PCMTD1: variants seen among roughly 807,000 people sequenced by gnomAD.
The protein encoded by PCMTD1 is protein-L-isoaspartate (D-aspartate) O-methyltransferase domain containing 1, also known as protein-L-isoaspartate O-methyltransferase domain-containing protein 1.
A neutral mutation model predicts 37.6 loss-of-function variants in PCMTD1; 12 were observed. That is an observed-to-expected ratio of 0.32 (90% CI 0.20 to 0.52). The LOEUF is 0.52. Among genes scored for constraint, PCMTD1 ranks in the 20% least tolerant of loss-of-function variants. The pLI, the probability that PCMTD1 is intolerant of heterozygous loss-of-function variation, is 0.97. For synonymous variants in PCMTD1, 117 were observed against 135.8 expected (o/e 0.86, Z 0.96); for missense variants, 235 against 421.3 (o/e 0.56, Z 3.87).
chr8:51,834,243 G>A (rs966352804), intron 3 of PCMTD1, among the ~76,000 whole-genome samples: 3 of 152,142 alleles, frequency 2.0e-5, no homozygotes, highest in Non-Finnish European at 4.4e-5. Flanking sequence ...ATAAATTTTG[G>A]CTGAGGAACA....
chr8:51,860,600 CT>C lies in PCMTD1; in HGVS notation c.307+244del, dbSNP rs2038457547. On this transcript the variant is annotated intron_variant, in intron 2 of 5. Transcript: ENST00000522514. The stretch of plus-strand genomic sequence containing the variant: ...GAGTTTCCTGCCCACCAGCGCTTGA[CT>C]TTAAGTACAGACAATGACTAACAGA... 3.8e-5 allele frequency: 14 copies of C among 365,968 alleles called. No individual in the cohort carries two copies. In the South Asian group the frequency reaches 6.9e-4, roughly 18 times the overall value. 22.7% of individuals were successfully genotyped at this position (365,968 alleles called of 1,614,324 possible). A position where few individuals can be genotyped will look rare whatever the true frequency, so the allele number is the denominator to read the frequency against.
At chr8:51,858,383 T>C (rs2038422371) in intron 2 of PCMTD1, among the ~76,000 whole-genome samples, 1 of 152,238 alleles carries the variant, frequency 6.6e-6, no homozygotes, top group Admixed American at 6.5e-5. Flanking sequence ...CATAGTGTTA[T>C]AGTTTTTTGT....
intron 2 of PCMTD1, among the ~76,000 whole-genome samples, chr8:51,859,157 G>C (rs2038435549): frequency 6.6e-6 from 1 of 152,098 alleles, no homozygotes; most frequent in African/African-American, 2.4e-5. Context: ...CTTTCAGGCT[G>C]GCCAAACATG....
chr8:51,858,778 T>C (rs1585823371), intron 2 of PCMTD1, among the ~76,000 whole-genome samples: 1 of 152,304 alleles, frequency 6.6e-6, no homozygotes, highest in East Asian at 1.9e-4. Context: ...CCTGGAATAG[T>C]ATCCAGGAGC....
At chr8:51,847,364 T>C (rs1311772849) in intron 2 of PCMTD1, among the ~76,000 whole-genome samples, 1 of 152,220 alleles carries the variant, frequency 6.6e-6, no homozygotes, top group Non-Finnish European at 1.5e-5. Flanking sequence ...TGGTAGCTCA[T>C]GCCTGTAATC....
chr8:51,877,111 T>G (rs2129290850), intron 1 of PCMTD1, among the ~76,000 whole-genome samples: 1 of 152,330 alleles, frequency 6.6e-6, no homozygotes, highest in Non-Finnish European at 1.5e-5. Context: ...GAACTAGTAT[T>G]TGAATATAAA....
intron 1 of PCMTD1, among the ~76,000 whole-genome samples, chr8:51,893,394 G>A (rs1387137840): frequency 2.0e-5 from 3 of 152,142 alleles, no homozygotes; most frequent in African/African-American, 7.2e-5. Context: ...AGCAATGTAA[G>A]AATTATGTAT....
intron 1 of PCMTD1, among the ~76,000 whole-genome samples, chr8:51,866,011 C>A (rs2038549666): frequency 1.3e-5 from 2 of 151,552 alleles, no homozygotes; most frequent in African/African-American, 4.8e-5. Flanking sequence ...CATTTCTTTA[C>A]ACTAACAACA....
intron 3 of PCMTD1, among the ~76,000 whole-genome samples, chr8:51,835,016 C>T (rs1250209744): frequency 6.6e-6 from 1 of 152,144 alleles, no homozygotes; most frequent in African/African-American, 2.4e-5. Flanking sequence ...CTCTAATGCG[C>T]AGGATAAGTT....
At chr8:51,841,072 T>C (rs2038141128) in intron 3 of PCMTD1, among the ~76,000 whole-genome samples, 2 of 152,132 alleles carry the variant, frequency 1.3e-5, no homozygotes, top group African/African-American at 4.8e-5. Context: ...TTAGAATAAA[T>C]CAACGTTTAC....
chr8:51,845,598 A>G, intron 3 of PCMTD1, 63 bp downstream of exon 3: 1 of 1,150,072 alleles, frequency 8.7e-7, no homozygotes, highest in South Asian at 1.3e-5. Context: ...GTGTTCAAGA[A>G]TAGACATGTT....
At chr8:51,836,679 A>C (rs895432266) in intron 3 of PCMTD1, among the ~76,000 whole-genome samples, 1 of 152,224 alleles carries the variant, frequency 6.6e-6, no homozygotes, top group Non-Finnish European at 1.5e-5. Context: ...AGTAGAAGAG[A>C]AGCTTTTCTA....
intron 1 of PCMTD1, among the ~76,000 whole-genome samples, chr8:51,863,190 T>C (rs1026412332): frequency 1.3e-5 from 2 of 152,182 alleles, no homozygotes; most frequent in Admixed American, 1.3e-4. Flanking sequence ...TTCATAAGAA[T>C]AATTCTGACT....
chr8:51,845,773 T>C lies in PCMTD1; in HGVS notation c.308-10A>G. ...TTTATTCCAAAAGGACCTGCAATCGTAGCAGCATTTTTATAAAAAATATTA... is the reference window on the plus strand; with the variant it reads ...TTTATTCCAAAAGGACCTGCAATCGCAGCAGCATTTTTATAAAAAATATTA... On this transcript the variant is annotated splice_polypyrimidine_tract_variant and intron_variant, in intron 2 of 5. Transcript: ENST00000522514. The C allele has an allele frequency of 6.3e-7, 1 of 1,592,846 alleles. No individual in the cohort carries two copies. Among genetic ancestry groups the C allele is most frequent in the Non-Finnish European group, 8.6e-7 (1 of 1,162,704 alleles).
chr8:51,871,753 A>C (rs528989750), intron 1 of PCMTD1, among the ~76,000 whole-genome samples: 4 of 152,326 alleles, frequency 2.6e-5, no homozygotes, highest in African/African-American at 9.6e-5. Flanking sequence ...ATAGTTTTCT[A>C]CTTTGGAAAG....
chr8:51,865,844 G>A (rs981583170), intron 1 of PCMTD1, among the ~76,000 whole-genome samples: 1 of 151,444 alleles, frequency 6.6e-6, no homozygotes, highest in East Asian at 1.9e-4. Flanking sequence ...AAAATAAAGG[G>A]CATCTAAATA....
chr8:51,838,326 A>AT (rs1291956989), intron 3 of PCMTD1, among the ~76,000 whole-genome samples: 7 of 150,288 alleles, frequency 4.7e-5, no homozygotes, highest in African/African-American at 7.3e-5. Context: ...GTCTCTACAA[A>AT]TTTTTTTTTT....
intron 5 of PCMTD1, among the ~76,000 whole-genome samples, chr8:51,824,084 A>G (rs1377256998): frequency 1.3e-5 from 2 of 152,220 alleles, no homozygotes; most frequent in Non-Finnish European, 2.9e-5. Context: ...ACCCACAGCC[A>G]ATATCATACT....
chr8:51,899,119 G>T (rs1033302533), upstream of PCMTD1: 2 of 1,425,502 alleles, frequency 1.4e-6, no homozygotes, highest in South Asian at 2.8e-5. Flanking sequence ...CATGCGCAGA[G>T]AACCACGGGC....
Sources: allele counts gnomAD v4.1 joint callset (sites outside exome capture counted in the v4.1 genomes callset), GRCh38; gene constraint gnomAD v4.1.1; transcripts MANE v1.5; gene names NCBI Gene and HGNC (gene_info 2026-07-23, HGNC 2026-07-21).